The following MPDZ variants were observed in gnomAD, a reference collection of about 807,000 sequenced individuals.
MPDZ encodes multiple PDZ domain protein.
Under a neutral mutation model 239.1 loss-of-function variants are expected in MPDZ, and 234 were observed. That is an observed-to-expected ratio of 0.98 (90% CI 0.88 to 1.09). The LOEUF is 1.09. Ranked by LOEUF, MPDZ falls within the 50% of genes least tolerant of loss-of-function variation. The probability of loss-of-function intolerance (pLI) is 0.00; values close to 1 mark genes in which losing one functional copy is unlikely to be tolerated. For synonymous variants in MPDZ, 1,048 were observed against 881.3 expected, an observed-to-expected ratio of 1.19 and a Z score of -3.35; for missense variants, 3,175 against 2,510.0, an observed-to-expected ratio of 1.26 and a Z score of -5.66.
intron 26 of MPDZ, 115 bp downstream of exon 26, chr9:13,147,433 C>T: frequency 1.3e-6 from 1 of 742,710 alleles, no homozygotes; most frequent in Non-Finnish European, 2.3e-6. Context: ...AACAAGTCTC[C>T]TGAGATTTGA....
intron 19 of MPDZ, among the ~76,000 whole-genome samples, chr9:13,177,053 A>G (rs973823126): frequency 1.3e-5 from 2 of 152,178 alleles, no homozygotes; most frequent in South Asian, 4.1e-4. Context: ...TCTGTTATTA[A>G]CAATTTGTAT....
At chr9:13,139,079 A>G (rs1477376846) in intron 28 of MPDZ, among the ~76,000 whole-genome samples, 1 of 152,196 alleles carries the variant, frequency 6.6e-6, no homozygotes, top group Non-Finnish European at 1.5e-5. Flanking sequence ...GAAAACTACA[A>G]ACTTTACCAG....
Position 13,125,403 on chromosome 9 carries a change from A to G in MPDZ, c.4633-13T>C. On this transcript the variant is annotated splice_polypyrimidine_tract_variant and intron_variant, in intron 34 of 46. Transcript: ENST00000319217. The stretch of plus-strand genomic sequence containing the variant: ...GAAGGCTAATAAACTGGCAGGGTGT[A>G]TGTGTGGAAGAGAAACAAAATTCAA... 1.9e-6 allele frequency: 3 copies of G among 1,610,248 alleles called. No homozygotes were observed. The highest frequency in any genetic ancestry group is 2.5e-6 in the Non-Finnish European group (3 of 1,177,192).
chr9:13,168,775 C>A (rs993385221), intron 21 of MPDZ, among the ~76,000 whole-genome samples: 3 of 151,740 alleles, frequency 2.0e-5, no homozygotes, highest in African/African-American at 7.3e-5. Flanking sequence ...ATAGTCAATA[C>A]ATTATAAACA....
intron 28 of MPDZ, among the ~76,000 whole-genome samples, chr9:13,138,487 G>C (rs1248763761): frequency 6.6e-6 from 1 of 152,176 alleles, no homozygotes; most frequent in Non-Finnish European, 1.5e-5. Flanking sequence ...ATTTGCAGAG[G>C]AGAACAGAAC....
At chr9:13,212,663 G>A (rs2135953492) in intron 10 of MPDZ, among the ~76,000 whole-genome samples, 1 of 151,552 alleles carries the variant, frequency 6.6e-6, no homozygotes, top group South Asian at 2.1e-4. Flanking sequence ...AATTGCCTAT[G>A]TGCTATCTCA....
intron 8 of MPDZ, 81 bp from the exon 9 acceptor site, chr9:13,217,375 A>C (rs998666326): frequency 1.1e-6 from 1 of 925,772 alleles, no homozygotes; most frequent in Admixed American, 2.8e-5. Flanking sequence ...AAACAAAAAA[A>C]CCATGATAAA....
intron 24 of MPDZ, among the ~76,000 whole-genome samples, chr9:13,156,938 T>C (rs1301133517): frequency 6.6e-6 from 1 of 152,202 alleles, no homozygotes; most frequent in Admixed American, 6.6e-5. Flanking sequence ...GAGCTTGGGA[T>C]TTTTTAAGTG....
chr9:13,230,833 T>G (rs936660643), intron 3 of MPDZ, among the ~76,000 whole-genome samples: 4 of 152,108 alleles, frequency 2.6e-5, no homozygotes, highest in African/African-American at 7.2e-5. Context: ...CTGCATATAC[T>G]GCAAACTACA....
At chr9:13,206,387 CT>C (rs908375192) in intron 10 of MPDZ, among the ~76,000 whole-genome samples, 3 of 151,472 alleles carry the variant, frequency 2.0e-5, no homozygotes, top group Admixed American at 6.6e-5. Flanking sequence ...GCTTCTATGC[CT>C]TTTTTTTCCC....
intron 1 of MPDZ, chr9:13,274,394 T>C (rs1208897433): frequency 6.6e-6 from 1 of 151,962 alleles, no homozygotes; most frequent in South Asian, 2.1e-4. Flanking sequence ...AAAATAACAA[T>C]GAATGTTGCT....
intron 10 of MPDZ, among the ~76,000 whole-genome samples, chr9:13,213,795 C>T (rs1291052214): frequency 6.6e-6 from 1 of 151,986 alleles, no homozygotes; most frequent in African/African-American, 2.4e-5. Flanking sequence ...TGAGATTCCA[C>T]TTATATAAGA....
chr9:13,123,479 G>T (rs1012225525), intron 35 of MPDZ, among the ~76,000 whole-genome samples, 181 bp from the exon 36 acceptor site: 3 of 152,006 alleles, frequency 2.0e-5, no homozygotes, highest in African/African-American at 7.3e-5. Flanking sequence ...TAAAACAAAT[G>T]TGATTAAATC....
chr9:13,143,084 T>C (rs1947945117), intron 27 of MPDZ, among the ~76,000 whole-genome samples: 1 of 152,102 alleles, frequency 6.6e-6, no homozygotes, highest in African/African-American at 2.4e-5. Flanking sequence ...TATGATCACC[T>C]TGTAGAAGTA....
intron 32 of MPDZ, among the ~76,000 whole-genome samples, chr9:13,128,550 T>C (rs568578851): frequency 5.3e-5 from 8 of 152,316 alleles, no homozygotes; most frequent in African/African-American, 1.4e-4. Flanking sequence ...TCCTAACCCA[T>C]AGAAACTGTG....
intron 17 of MPDZ, among the ~76,000 whole-genome samples, chr9:13,188,031 T>A (rs1339451853): frequency 6.6e-6 from 1 of 152,178 alleles, no homozygotes; most frequent in Non-Finnish European, 1.5e-5. Context: ...AGCAAATGTG[T>A]TGAAGTCAAC....
At chr9:13,224,327 A>C (rs1959814074) in intron 4 of MPDZ, 47 bp downstream of exon 4, 1 of 1,439,484 alleles carries the variant, frequency 6.9e-7, no homozygotes, top group Non-Finnish European at 9.6e-7. Context: ...TCACATTCTT[A>C]AATTACTACA....
intron 23 of MPDZ, 47 bp from the exon 24 acceptor site, chr9:13,158,157 C>A: frequency 6.8e-7 from 1 of 1,466,698 alleles, no homozygotes; most frequent in Non-Finnish European, 9.5e-7. Context: ...CTAGTAAAAA[C>A]ATGCAAGATT....
intron 3 of MPDZ, among the ~76,000 whole-genome samples, chr9:13,227,989 CTT>C (rs1961161846): frequency 6.6e-6 from 1 of 152,136 alleles, no homozygotes; most frequent in African/African-American, 2.4e-5. Flanking sequence ...ACTATAATCT[CTT>C]TGAGGAATAC....
Sources: allele counts gnomAD v4.1 joint callset (sites outside exome capture counted in the v4.1 genomes callset), GRCh38; gene constraint gnomAD v4.1.1; transcripts MANE v1.5; gene names NCBI Gene and HGNC (gene_info 2026-07-23, HGNC 2026-07-21).